Variants in DLGAP1 observed in about 807,000 individuals in gnomAD.
DLGAP1 encodes disks large-associated protein 1.
DLGAP1 carries 11 observed loss-of-function variants against 90.8 expected under a neutral mutation model. That is an observed-to-expected ratio of 0.12 (90% CI 0.08 to 0.20). DLGAP1 has a LOEUF of 0.20. Among genes scored for constraint, DLGAP1 ranks in the 10% least tolerant of loss-of-function variants. The pLI, the probability that DLGAP1 is intolerant of heterozygous loss-of-function variation, is 1.00. For missense variants in DLGAP1, 1,050 were observed against 1,333.8 expected (o/e 0.79, Z 3.31); for synonymous variants, 558 against 540.7 (o/e 1.03, Z -0.44).
chr18:4,236,456 T>C (rs1298445339), intron 1 of DLGAP1, among the ~76,000 whole-genome samples: 3 of 152,174 alleles, frequency 2.0e-5, no homozygotes, highest in Non-Finnish European at 4.4e-5. Context: ...TCATTTTCCT[T>C]GTGCTTTTAC....
chr18:3,659,445 A>ACAC, intron 7 of DLGAP1, among the ~76,000 whole-genome samples: 1 of 105,322 alleles, frequency 9.5e-6, no homozygotes, highest in African/African-American at 4.4e-5. Context: ...GGATGCTACC[A>ACAC]CCCCCCGCCG....
intron 7 of DLGAP1, among the ~76,000 whole-genome samples, chr18:3,610,447 C>T (rs1187189808): frequency 6.6e-6 from 1 of 152,142 alleles, no homozygotes; most frequent in African/African-American, 2.4e-5. Context: ...AGATTTAACC[C>T]ACCTGTGCCC....
chr18:3,749,181 ACT>A (rs2063394903), intron 5 of DLGAP1, among the ~76,000 whole-genome samples: 1 of 115,380 alleles, frequency 8.7e-6, no homozygotes, highest in African/African-American at 3.5e-5. Flanking sequence ...ACAGAGTCTC[ACT>A]CTGTTGCCCA....
At chr18:3,979,305 C>A (rs2149026959) in intron 3 of DLGAP1, among the ~76,000 whole-genome samples, 1 of 152,328 alleles carries the variant, frequency 6.6e-6, no homozygotes, top group African/African-American at 2.4e-5. Flanking sequence ...CAGTCTTCAG[C>A]ACAGTACCAT....
chr18:3,679,977 T>A (rs1313878018), intron 7 of DLGAP1: 1 of 151,988 alleles, frequency 6.6e-6, no homozygotes, highest in Non-Finnish European at 1.5e-5. Context: ...TGAGCCACCA[T>A]GCCCAGCCAT....
intron 1 of DLGAP1, among the ~76,000 whole-genome samples, chr18:4,211,092 A>C (rs2077831250): frequency 6.6e-6 from 1 of 152,358 alleles, no homozygotes; most frequent in South Asian, 2.1e-4. Context: ...AGTTTTCTCA[A>C]CCTGAGTTCT....
intron 1 of DLGAP1, among the ~76,000 whole-genome samples, chr18:4,390,894 G>A (rs1031677110): frequency 2.6e-5 from 4 of 152,150 alleles, no homozygotes; most frequent in Non-Finnish European, 5.9e-5. Flanking sequence ...TTTTGCCTCT[G>A]ACCTGTAACT....
At chr18:3,692,061 T>C (rs1176717655) in intron 7 of DLGAP1, among the ~76,000 whole-genome samples, 1 of 152,248 alleles carries the variant, frequency 6.6e-6, no homozygotes, top group Non-Finnish European at 1.5e-5. Flanking sequence ...GTCAATGTTT[T>C]CTTTAGTTCA....
rs1466147449 is a variant in DLGAP1 at position 4,144,270 on chromosome 18, G to C, written c.-159+6910C>G. 4.6e-5 allele frequency among the ~76,000 whole-genome samples: 7 copies of C among 152,210 alleles called. No individual in the cohort carries two copies. In the East Asian group the frequency reaches 1.4e-3, roughly 29 times the overall value. The stretch of plus-strand genomic sequence containing the variant: ...TAGCCCACAGTGGTGAGGCTTGCCA[G>C]AATTAGAGTTCTGACTGCTGGGACA... On this transcript the variant is annotated intron_variant, in intron 2 of 12. Coordinates refer to ENST00000315677, the MANE Select transcript of DLGAP1 (RefSeq NM_004746.4).
chr18:4,144,787 T>C (rs981903996), intron 2 of DLGAP1, among the ~76,000 whole-genome samples: 12 of 152,192 alleles, frequency 7.9e-5, no homozygotes, highest in African/African-American at 2.9e-4. Context: ...GTAAAAATTT[T>C]AGGTGAAAAT....
At chr18:3,519,529 C>A (rs2051045602) in intron 10 of DLGAP1, among the ~76,000 whole-genome samples, 2 of 152,318 alleles carry the variant, frequency 1.3e-5, no homozygotes, top group Admixed American at 1.3e-4. Context: ...GGGAATCAGG[C>A]ATGAACACTG....
intron 7 of DLGAP1, among the ~76,000 whole-genome samples, chr18:3,633,212 A>G (rs1329843054): frequency 6.6e-6 from 1 of 152,164 alleles, no homozygotes; most frequent in Admixed American, 6.5e-5. Flanking sequence ...CCTGGCCAAC[A>G]TGGTGAAACC....
chr18:3,981,496 T>A (rs2073728268), intron 3 of DLGAP1, among the ~76,000 whole-genome samples: 1 of 152,192 alleles, frequency 6.6e-6, no homozygotes, highest in South Asian at 2.1e-4. Flanking sequence ...CAAAAAGATT[T>A]AAGGATCTTA....
chr18:3,594,467 CTG>C (rs1279958154), intron 7 of DLGAP1: 1 of 151,506 alleles, frequency 6.6e-6, no homozygotes, highest in Non-Finnish European at 1.5e-5. Flanking sequence ...ACGTTGCAAT[CTG>C]TGGATCAGCT....
chr18:3,832,601 G>A (rs1291624538), intron 4 of DLGAP1, among the ~76,000 whole-genome samples: 1 of 151,010 alleles, frequency 6.6e-6, no homozygotes, highest in Non-Finnish European at 1.5e-5. Flanking sequence ...ATTTTTCCTT[G>A]CAGTGGATTT....
intron 1 of DLGAP1, among the ~76,000 whole-genome samples, chr18:4,348,130 G>A (rs2143940358): frequency 6.6e-6 from 1 of 152,224 alleles, no homozygotes; most frequent in South Asian, 2.1e-4. Flanking sequence ...ACAAGGAAAA[G>A]TATCCATACA....
chr18:3,552,101 T>G (rs1364566329), intron 9 of DLGAP1, among the ~76,000 whole-genome samples: 1 of 152,022 alleles, frequency 6.6e-6, no homozygotes, highest in South Asian at 2.1e-4. Flanking sequence ...CTACCACTCC[T>G]AGCAAGAGCA....
At chr18:4,403,606 T>C (rs759088537) in intron 1 of DLGAP1, among the ~76,000 whole-genome samples, 11 of 152,200 alleles carry the variant, frequency 7.2e-5, no homozygotes, top group Non-Finnish European at 1.2e-4. Flanking sequence ...TTATAAATTA[T>C]ATTTTAAGAA....
chr18:4,350,994 A>G (rs1346834769), intron 1 of DLGAP1, among the ~76,000 whole-genome samples: 1 of 152,144 alleles, frequency 6.6e-6, no homozygotes, highest in African/African-American at 2.4e-5. Context: ...GCCACACTCA[A>G]AGAAGATTCA....
Sources: allele counts gnomAD v4.1 joint callset (sites outside exome capture counted in the v4.1 genomes callset), GRCh38; gene constraint gnomAD v4.1.1; transcripts MANE v1.5; gene names NCBI Gene and HGNC (gene_info 2026-07-23, HGNC 2026-07-21).